The following PCYOX1 variants were observed in gnomAD, a reference collection of about 807,000 sequenced individuals.
PCYOX1 encodes the protein prenylcysteine oxidase 1, also known as prenylcysteine lyase.
In PCYOX1, 46 loss-of-function variants were observed where a neutral mutation model predicts 46.4. The observed-to-expected ratio is 0.99, with a 90% CI of 0.78 to 1.27. The LOEUF is 1.27. Among genes scored for constraint, PCYOX1 ranks in the 50% most tolerant of loss-of-function variants. The probability of loss-of-function intolerance (pLI) is 0.00; values close to 1 mark genes in which losing one functional copy is unlikely to be tolerated. For synonymous variants in PCYOX1, 220 were observed against 231.8 expected, an observed-to-expected ratio of 0.95 and a Z score of 0.46; for missense variants, 658 against 628.3, an observed-to-expected ratio of 1.05 and a Z score of -0.51.
intron 3 of PCYOX1, among the ~76,000 whole-genome samples, chr2:70,268,750 T>C (rs916824028): frequency 6.7e-6 from 1 of 150,330 alleles, no homozygotes; most frequent in Admixed American, 6.6e-5. Context: ...CAGTGAGCCA[T>C]TGCACTCCAG....
In PCYOX1 at chr2:70,277,405, CT is replaced by C; in HGVS notation, c.*18del. ...AACTGAACTATGAAGTGACACACTCCTTTTTCCCCTCCTAGTTCCAAATGAC... is the reference window on the plus strand; with the variant it reads ...AACTGAACTATGAAGTGACACACTCCTTTTCCCCTCCTAGTTCCAAATGAC... On this transcript the variant is annotated 3_prime_UTR_variant, in exon 6 of 6. Coordinates refer to ENST00000433351, the MANE Select transcript of PCYOX1 (RefSeq NM_016297.4). The C allele has an allele frequency of 1.9e-6, 3 of 1,564,612 alleles. No individual in the cohort carries two copies. Among genetic ancestry groups the C allele is most frequent in the Non-Finnish European group, 2.6e-6 (3 of 1,148,222 alleles).
At chr2:70,269,400 A>G (rs539721172) in intron 3 of PCYOX1, among the ~76,000 whole-genome samples, 107 of 145,710 alleles carry the variant, frequency 7.3e-4, no homozygotes, top group African/African-American at 2.5e-3. Flanking sequence ...CAGTGGCGCT[A>G]TCTCGGCTCA....
At position 70,276,867 on chromosome 2, in the gene PCYOX1, T is replaced by TC. The variant is rs754874488; in HGVS notation, c.995dup (p.Ile333AsnfsTer2). The TC allele has an allele frequency of 4.4e-5, 71 of 1,613,290 alleles. No individual in the cohort carries two copies. The highest frequency in any genetic ancestry group is 5.9e-5 in the Non-Finnish European group (70 of 1,179,396). On this transcript the variant is annotated frameshift_variant, in exon 6 of 6. Transcript: ENST00000433351. LOFTEE classifies it high-confidence loss of function. Reference sequence around the variant, plus strand: ...ATATTACTTTTCTCAACTTTGATCCTCCAATTGAGGAATTCCATCAATATT... The same window carrying TC: ...ATATTACTTTTCTCAACTTTGATCCTCCCAATTGAGGAATTCCATCAATATT...
In PCYOX1 at chr2:70,275,574, T is replaced by A. The variant is rs1289698682; in HGVS notation, c.767T>A (p.Leu256His). Residue 256 changes from leucine (L) to histidine (H), a missense_variant, in exon 5 of 6, where the codon CTT (leucine) becomes CAT (histidine). Leu to His is a moderately conservative substitution (Grantham distance 99). Coordinates refer to ENST00000433351, the MANE Select transcript of PCYOX1 (RefSeq NM_016297.4). ...GLWAVEGGNKLVCSGLLQASK... is the reference protein window; with the variant it reads ...GLWAVEGGNKHVCSGLLQASK... ...TGGGCAGTAGAAGGTGGCAATAAAC[T>A]TGTTTGCTCAGGGCTTCTGCAGGCA... The A allele has an allele frequency of 6.2e-7, 1 of 1,614,052 alleles. No homozygotes were observed. The highest frequency in any genetic ancestry group is 1.7e-5 in the Admixed American group (1 of 59,996).
rs546426586 is a variant in PCYOX1, at chr2:70,261,491, C to T, written c.494+105C>T. The T allele has an allele frequency of 1.9e-4, 139 of 743,812 alleles. 1 individual carries two copies. In the African/African-American group the frequency reaches 2.2e-3, roughly 12 times the overall value. The allele number at this position is 743,812 out of a possible 1,614,324, so 46.1% of individuals were successfully genotyped here. A position where few individuals can be genotyped will look rare whatever the true frequency, so the allele number is the denominator to read the frequency against. ...TTTCTTGTAAGCATTTTCTACCTCA[C>T]AGCAAGGCCTGTTTATAACATTGTT... On this transcript the variant is annotated intron_variant, in intron 3 of 5. Transcript: ENST00000433351.
At chr2:70,271,671 A>C (rs1696602644) in intron 3 of PCYOX1, among the ~76,000 whole-genome samples, 1 of 152,032 alleles carries the variant, frequency 6.6e-6, no homozygotes, top group East Asian at 1.9e-4. Context: ...ACCTTCTCTC[A>C]AGTAAAATCT....
intron 1 of PCYOX1, 90 bp from the exon 2 acceptor site, chr2:70,259,270 A>G: frequency 8.5e-7 from 1 of 1,172,718 alleles, no homozygotes; most frequent in Non-Finnish European, 1.3e-6. Flanking sequence ...TTGAGTAACA[A>G]CCTCTGCTAT....
chr2:70,258,492 C>T, intron 1 of PCYOX1: 1 of 219,372 alleles, frequency 4.6e-6, no homozygotes, highest in Non-Finnish European at 9.1e-6. Flanking sequence ...GAGGTGCCCA[C>T]TTGAGGAATG....
intron 3 of PCYOX1, among the ~76,000 whole-genome samples, chr2:70,264,769 A>G (rs1696489049): frequency 6.6e-6 from 1 of 151,914 alleles, no homozygotes; most frequent in South Asian, 2.1e-4. Context: ...TAATCCCAGC[A>G]CTTTGGGAGG....
rs780154464 is a variant in PCYOX1, at chr2:70,261,386, G to A, written c.494G>A (p.Arg165Lys). The A allele has an allele frequency of 7.5e-6, 12 of 1,596,866 alleles. No homozygotes were observed. In the South Asian group the frequency reaches 1.1e-4, roughly 15 times the overall value. Reference protein sequence around the residue: ...WVEDVLDKFMRIYRYQSHDYA... With the variant: ...WVEDVLDKFMKIYRYQSHDYA... ...GAGGACGTGTTAGACAAGTTCATGA[G>A]GTAATTTTTTTTCCTTCCATTTAAC... Residue 165 changes from arginine (R) to lysine (K), a missense_variant and splice_region_variant, in exon 3 of 6, where the codon AGG becomes AAG. By Grantham distance (26) the Arg-to-Lys change is conservative. Transcript: ENST00000433351.
rs549418079 is a variant in PCYOX1 at position 70,275,993 on chromosome 2, G to A, written c.859+327G>A. 1.2e-4 allele frequency among the ~76,000 whole-genome samples: 18 copies of A among 150,714 alleles called. No individual in the cohort carries two copies. In the South Asian group the frequency reaches 3.0e-3, roughly 25 times the overall value. On this transcript the variant is annotated intron_variant, in intron 5 of 5. Transcript: ENST00000433351. Reference sequence around the variant, plus strand: ...CAGGTGCCTGTAATCCCAGCTACTCGGGAGGCTGAGGCAGGAGAATCACAT... The same window carrying A: ...CAGGTGCCTGTAATCCCAGCTACTCAGGAGGCTGAGGCAGGAGAATCACAT...
At chr2:70,275,750 T>TA (rs1238979044) in intron 5 of PCYOX1, 84 bp downstream of exon 5, 2 of 1,241,570 alleles carry the variant, frequency 1.6e-6, no homozygotes, top group Non-Finnish European at 2.3e-6. Context: ...TGTCATCTCT[T>TA]ACTCAGTTCT....
rs1421779644 is a variant in PCYOX1 at position 70,279,244 on chromosome 2, T to C, written c.*1852T>C. ...GTGAATGTTAATATGCTGATAAAAC[T>C]GCCAAGATATATTTGATAGGTAGGG... On this transcript the variant is annotated 3_prime_UTR_variant, in exon 6 of 6. Transcript: ENST00000433351. The C allele has an allele frequency of 6.6e-6, 1 of 152,232 alleles. No individual in the cohort carries two copies. The highest frequency in any genetic ancestry group is 1.5e-5 in the Non-Finnish European group (1 of 68,042). The allele number at this position is 152,232 out of a possible 1,614,324, so 9.4% of individuals were successfully genotyped here.
At chr2:70,260,691 G>A (rs1044771697) in intron 2 of PCYOX1, among the ~76,000 whole-genome samples, 2 of 152,230 alleles carry the variant, frequency 1.3e-5, no homozygotes, top group South Asian at 4.1e-4. Context: ...GGCCCTTTCG[G>A]CAGGGAGTAT....
intron 3 of PCYOX1, among the ~76,000 whole-genome samples, chr2:70,270,287 T>C (rs6546582): frequency 0.082 from 12,451 of 152,230 alleles, 536 homozygotes; most frequent in East Asian, 0.18. Context: ...TGAGCCACCA[T>C]GCCTGCCAGA....
At chr2:70,258,103 A>T, upstream of PCYOX1, 1 of 1,358,250 alleles carries the variant, frequency 7.4e-7, no homozygotes, top group South Asian at 1.3e-5. Context: ...CGGAGCGCGC[A>T]GCCGCGCAGC....
intron 3 of PCYOX1, among the ~76,000 whole-genome samples, chr2:70,270,014 G>C (rs1052334809): frequency 3.4e-5 from 5 of 148,766 alleles, no homozygotes; most frequent in Non-Finnish European, 4.5e-5. Flanking sequence ...TCTTTCTTTC[G>C]ACGGAGTCTC....
At position 70,280,702 on chromosome 2, in the gene PCYOX1, T is replaced by G. The variant is rs1696760822; in HGVS notation, c.*3310T>G. 6.6e-6 allele frequency: 1 copy of G among 152,194 alleles called. No individual in the cohort carries two copies. Among genetic ancestry groups the G allele is most frequent in the Non-Finnish European group, 1.5e-5 (1 of 68,024 alleles). 9.4% of individuals were successfully genotyped at this position (152,194 alleles called of 1,614,324 possible). ...AACAGTGTATGGGACTTCACATCAG[T>G]TCTCCTTATTGATTGTTAGTTTGAT... On this transcript the variant is annotated 3_prime_UTR_variant, in exon 6 of 6. Coordinates refer to ENST00000433351, the MANE Select transcript of PCYOX1 (RefSeq NM_016297.4).
Position 70,259,407 on chromosome 2 carries a change from C to T in PCYOX1, c.160C>T (p.Arg54Trp), listed in dbSNP as rs773198726. 3.7e-6 allele frequency: 6 copies of T among 1,613,912 alleles called. No homozygotes were observed. The highest frequency in any genetic ancestry group is 1.3e-5 in the African/African-American group (1 of 74,896). Residue 54 changes from arginine (R) to tryptophan (W), a missense_variant, in exon 2 of 6, where the codon CGG becomes TGG. Arg to Trp is a moderately radical substitution (Grantham distance 101, BLOSUM62 -3). Transcript: ENST00000433351. ...TGGCACTTCAGCAGCCTATTACCTGCGGCAGAAATTTGGGAAAGATGTGAA... is the reference window on the plus strand; with the variant it reads ...TGGCACTTCAGCAGCCTATTACCTGTGGCAGAAATTTGGGAAAGATGTGAA... Reference protein sequence around the residue: ...IGGTSAAYYLRQKFGKDVKID... With the variant: ...IGGTSAAYYLWQKFGKDVKID...
Sources: allele counts gnomAD v4.1 joint callset (sites outside exome capture counted in the v4.1 genomes callset), GRCh38; gene constraint gnomAD v4.1.1; transcripts MANE v1.5; gene names NCBI Gene and HGNC (gene_info 2026-07-23, HGNC 2026-07-21).